EHF: variants seen among roughly 807,000 people sequenced by gnomAD.
EHF encodes the protein ESE3 transcription factor.
EHF carries 14 observed loss-of-function variants against 45.1 expected under a neutral mutation model. The observed-to-expected ratio is 0.31, with a 90% CI of 0.21 to 0.49. EHF has a LOEUF of 0.49. Ranked by LOEUF, EHF falls within the 20% of genes least tolerant of loss-of-function variation. EHF has a pLI of 0.99. For missense variants in EHF, 282 were observed against 371.4 expected (o/e 0.76, Z 1.98); for synonymous variants, 136 against 131.8 (o/e 1.03, Z -0.22).
At chr11:34,646,232 C>T (rs1229100041) in intron 2 of EHF, among the ~76,000 whole-genome samples, 1 of 152,104 alleles carries the variant, frequency 6.6e-6, no homozygotes, top group African/African-American at 2.4e-5. Context: ...AGCACTTCAG[C>T]TCTCTTGTCC....
At chr11:34,658,000 G>T (rs1468387147) in intron 7 of EHF, among the ~76,000 whole-genome samples, 1 of 152,046 alleles carries the variant, frequency 6.6e-6, no homozygotes, top group Non-Finnish European at 1.5e-5. Flanking sequence ...GGGTCCTCCA[G>T]TCCCTGCGTG....
At chr11:34,633,644 C>T (rs1293837895) in intron 1 of EHF, among the ~76,000 whole-genome samples, 1 of 152,030 alleles carries the variant, frequency 6.6e-6, no homozygotes, top group African/African-American at 2.4e-5. Flanking sequence ...ACAAGCAAAA[C>T]CAGGAGGATG....
At chr11:34,657,115 C>T (rs541401287) in intron 7 of EHF, 145 bp downstream of exon 7, 5 of 965,162 alleles carry the variant, frequency 5.2e-6, no homozygotes, top group Non-Finnish European at 6.1e-6. Flanking sequence ...AAAATAGAGG[C>T]ATCACTTGCT....
intron 1 of EHF, among the ~76,000 whole-genome samples, chr11:34,636,607 G>A (rs1853429841): frequency 6.6e-6 from 1 of 152,216 alleles, no homozygotes; most frequent in South Asian, 2.1e-4. Flanking sequence ...TTTGTTATGT[G>A]GGGAGACTGA....
intron 1 of EHF, among the ~76,000 whole-genome samples, chr11:34,641,453 A>G (rs1386488968): frequency 6.6e-6 from 1 of 152,182 alleles, no homozygotes; most frequent in East Asian, 1.9e-4. Flanking sequence ...TAGCTAAATT[A>G]GGGGAAGGAA....
chr11:34,637,029 CAAAAAA>C (rs34992133), intron 1 of EHF, among the ~76,000 whole-genome samples: 4 of 86,888 alleles, frequency 4.6e-5, no homozygotes, highest in African/African-American at 9.1e-5. Context: ...AACTTCATCT[CAAAAAA>C]AAAAAAAAAA....
chr11:34,656,780 GCA>G, intron 6 of EHF, 126 bp from the exon 7 acceptor site: 1 of 1,001,202 alleles, frequency 1.0e-6, no homozygotes, highest in Admixed American at 2.5e-5. Flanking sequence ...TGGTTCACTA[GCA>G]CATACTCAAA....
chr11:34,624,935 G>C (rs1362923379), intron 1 of EHF, among the ~76,000 whole-genome samples: 1 of 152,188 alleles, frequency 6.6e-6, no homozygotes, highest in South Asian at 2.1e-4. Context: ...CCTTTGCCAG[G>C]CTTTAGTTTC....
At chr11:34,629,551 T>C (rs1379598116) in intron 1 of EHF, among the ~76,000 whole-genome samples, 1 of 152,248 alleles carries the variant, frequency 6.6e-6, no homozygotes, top group Non-Finnish European at 1.5e-5. Flanking sequence ...CTTCTTAAGC[T>C]GCAAGGATGC....
At chr11:34,648,018 A>G (rs755129911) in intron 3 of EHF, among the ~76,000 whole-genome samples, 1 of 152,002 alleles carries the variant, frequency 6.6e-6, no homozygotes, top group Non-Finnish European at 1.5e-5. Context: ...GCCATCTTAG[A>G]CCTTCTGTCT....
chr11:34,640,432 C>G (rs925400797), intron 1 of EHF, among the ~76,000 whole-genome samples: 19 of 152,354 alleles, frequency 1.2e-4, no homozygotes, highest in African/African-American at 4.6e-4. Context: ...GGGCTGGGCT[C>G]TGAGCTTCAG....
chr11:34,629,245 T>C (rs1852656896), intron 1 of EHF, among the ~76,000 whole-genome samples: 1 of 152,220 alleles, frequency 6.6e-6, no homozygotes, highest in African/African-American at 2.4e-5. Context: ...CTGAAAGGGA[T>C]TTAATCCCTT....
intron 6 of EHF, 29 bp downstream of exon 6, chr11:34,651,834 T>G: frequency 6.2e-7 from 1 of 1,601,296 alleles, no homozygotes; most frequent in Non-Finnish European, 8.5e-7. Context: ...TGAGGCTGGG[T>G]ATGCCTAATG....
Position 34,658,692 on chromosome 11 carries a change from G to A in EHF, c.767G>A (p.Ser256Asn), listed in dbSNP as rs773755546. The A allele has an allele frequency of 6.2e-7, 1 of 1,613,594 alleles. No individual in the cohort carries two copies. Among genetic ancestry groups the A allele is most frequent in the East Asian group, 2.2e-5 (1 of 44,882 alleles). The change falls in exon 8 of 9, where the codon AGC (serine) becomes AAC (asparagine). Residue 256 changes from serine (S) to asparagine (N), a missense_variant. Coordinates refer to ENST00000257831, the MANE Select transcript of EHF (RefSeq NM_012153.6). The part of the protein sequence containing the change: ...AQLWGKKKNN[S>N]SMTYEKLSRA... Reference sequence around the variant, plus strand: ...CTATGGGGTAAAAAGAAGAACAACAGCAGCATGACCTATGAAAAGCTCAGC... The same window carrying A: ...CTATGGGGTAAAAAGAAGAACAACAACAGCATGACCTATGAAAAGCTCAGC...
intron 3 of EHF, among the ~76,000 whole-genome samples, chr11:34,647,494 G>GTTA (rs1358100163): frequency 1.1e-3 from 163 of 152,322 alleles, no homozygotes; most frequent in Non-Finnish European, 1.2e-3. Context: ...CTGGCATAAG[G>GTTA]TTCCCCTGAT....
intron 1 of EHF, among the ~76,000 whole-genome samples, chr11:34,625,063 C>T (rs1048795545): frequency 1.3e-5 from 2 of 152,088 alleles, no homozygotes; most frequent in Non-Finnish European, 2.9e-5. Flanking sequence ...AGGATAAGCA[C>T]GAATCTGTGA....
chr11:34,659,810 A>G lies in EHF; in HGVS notation c.*879A>G, dbSNP rs1855973609. 6.6e-6 allele frequency: 1 copy of G among 152,186 alleles called. No individual in the cohort carries two copies. The highest frequency in any genetic ancestry group is 1.5e-5 in the Non-Finnish European group (1 of 68,036). 9.4% of individuals were successfully genotyped at this position (152,186 alleles called of 1,614,324 possible). A position where few individuals can be genotyped will look rare whatever the true frequency, so the allele number is the denominator to read the frequency against. On this transcript the variant is annotated 3_prime_UTR_variant, in exon 9 of 9. Coordinates refer to ENST00000257831, the MANE Select transcript of EHF (RefSeq NM_012153.6). ...TATAGTCCAAGGTTTCTCAATCTGC[A>G]CAATTGACATTTTTGGCCGGAGTGT...
chr11:34,646,555 T>A lies in EHF; in HGVS notation c.214T>A (p.Cys72Ser), dbSNP rs369206472. ...LLDTNQLDAN[C>S]IPFQEFDING... Reference sequence around the variant, plus strand: ...GGACACCAACCAGCTGGATGCCAATTGTATCCCTTTCCAAGAGTTCGACAT... The same window carrying A: ...GGACACCAACCAGCTGGATGCCAATAGTATCCCTTTCCAAGAGTTCGACAT... Residue 72 changes from cysteine to serine, a missense_variant, in exon 3 of 9, where the codon TGT becomes AGT. This residue lies in a region of EHF where 213 missense variants were observed against 247.3 expected (regional missense o/e 0.86). Coordinates refer to ENST00000257831, the MANE Select transcript of EHF (RefSeq NM_012153.6). The A allele has an allele frequency of 3.1e-6, 5 of 1,613,696 alleles. No individual in the cohort carries two copies. Among genetic ancestry groups the A allele is most frequent in the South Asian group, 1.1e-5 (1 of 91,042 alleles).
intron 4 of EHF, among the ~76,000 whole-genome samples, chr11:34,650,152 C>T (rs1283256744): frequency 6.6e-6 from 1 of 152,134 alleles, no homozygotes; most frequent in Non-Finnish European, 1.5e-5. Flanking sequence ...TCAGATAGCC[C>T]CACCGAAGGA....
Sources: allele counts gnomAD v4.1 joint callset (sites outside exome capture counted in the v4.1 genomes callset), GRCh38; gene constraint gnomAD v4.1.1; regional missense constraint gnomAD v4.1.1; transcripts MANE v1.5; gene names NCBI Gene and HGNC (gene_info 2026-07-23, HGNC 2026-07-21).